The following FER1L5 variants were observed in gnomAD, a reference collection of about 807,000 sequenced individuals.
FER1L5 encodes fer-1-like protein 5.
In FER1L5, 187 loss-of-function variants were observed where a neutral mutation model predicts 279.9. The observed-to-expected ratio is 0.67, with a 90% confidence interval of 0.59 to 0.75. The LOEUF is 0.75. Among genes scored for constraint, FER1L5 ranks in the 30% least tolerant of loss-of-function variants. FER1L5 has a pLI of 0.00. For synonymous variants in FER1L5, 921 were observed against 989.7 expected (o/e 0.93, Z 1.30); for missense variants, 2,091 against 2,594.4 (o/e 0.81, Z 4.21).
chr2:96,662,596 A>G (rs747204024), intron 13 of FER1L5, among the ~76,000 whole-genome samples: 1 of 152,218 alleles, frequency 6.6e-6, no homozygotes, highest in Non-Finnish European at 1.5e-5. Flanking sequence ...CTGACATTCC[A>G]TGAACCTCTA....
intron 8 of FER1L5, chr2:96,654,140 G>GA (rs1297958119): frequency 3.3e-6 from 1 of 304,376 alleles, no homozygotes; most frequent in Admixed American, 5.1e-5. Context: ...CAAAGGCACA[G>GA]AGGAAACAAC....
At chr2:96,685,534 G>T (rs913588229) in intron 21 of FER1L5, 105 bp downstream of exon 21, 1 of 951,972 alleles carries the variant, frequency 1.1e-6, no homozygotes, top group Non-Finnish European at 1.5e-6. Context: ...CCCTCCTCGG[G>T]GAGGAGCACT....
chr2:96,652,578 A>G (rs1288483586), intron 7 of FER1L5: 1 of 159,202 alleles, frequency 6.3e-6, no homozygotes, highest in African/African-American at 2.4e-5. Flanking sequence ...ATTCAGGAAA[A>G]AGTCATGGTG....
chr2:96,693,991 GA>G lies in FER1L5; in HGVS notation c.3556del (p.Arg1186GlyfsTer6). 2 of 1,551,470 alleles carry G rather than the reference GA, an allele frequency of 1.3e-6. No homozygotes were observed. The highest frequency in any genetic ancestry group is 8.7e-7 in the Non-Finnish European group (1 of 1,146,976). ...TCCAGGACCGGATCCTGCCCCCCAT[GA>G]GGTGGCATCCCCTTGTAAAGGAGTT... ...DLQDRILPPM[R>X]WHPLVKELGK... On this transcript the variant is annotated frameshift_variant, in exon 33 of 53. Coordinates refer to ENST00000624922, the MANE Select transcript of FER1L5 (RefSeq NM_001293083.2). LOFTEE classifies it high-confidence loss of function.
chr2:96,655,153 C>G (rs769933410), intron 9 of FER1L5, among the ~76,000 whole-genome samples: 5 of 152,058 alleles, frequency 3.3e-5, no homozygotes, highest in Admixed American at 6.6e-5. Flanking sequence ...GAAGTAGAAG[C>G]AGAGGATCCA....
At chr2:96,699,023 C>A in intron 41 of FER1L5, 22 bp from the exon 42 acceptor site, 2 of 1,596,198 alleles carry the variant, frequency 1.3e-6, no homozygotes, top group Non-Finnish European at 1.7e-6. Context: ...CCTATCCTTC[C>A]CCCACTTGTA....
In FER1L5 at chr2:96,662,276, A is replaced by G; in HGVS notation, c.1071+9A>G. The G allele has an allele frequency of 4.5e-6, 7 of 1,551,442 alleles. No homozygotes were observed. The highest frequency in any genetic ancestry group is 6.1e-6 in the Non-Finnish European group (7 of 1,146,774). ...AACTAATTGGGGAAAAGGTAAGTGT[A>G]GAAATATTCTGAGACCCAGAGAGAT... On this transcript the variant is annotated intron_variant, in intron 13 of 52. Coordinates refer to ENST00000624922, the MANE Select transcript of FER1L5 (RefSeq NM_001293083.2).
At chr2:96,656,106 C>A (rs1292949733) in intron 9 of FER1L5, among the ~76,000 whole-genome samples, 1 of 152,118 alleles carries the variant, frequency 6.6e-6, no homozygotes, top group Non-Finnish European at 1.5e-5. Flanking sequence ...TGTGTTTTAC[C>A]TACACCTAGC....
In FER1L5 at chr2:96,698,924, C is replaced by A; in HGVS notation, c.4518+92C>A. ...CCTCCGACTGCTGACACACAGAATG[C>A]CAACTCCCCATAGGCTCCGTGTGGT... is the stretch of plus-strand genomic sequence containing the variant. On this transcript the variant is annotated intron_variant, in intron 41 of 52. Transcript: ENST00000624922. This position sits in a 1 kb window ranked among gnomAD's most constrained non-coding sequence, Gnocchi z 5.5. The A allele has an allele frequency of 6.5e-7, 1 of 1,528,264 alleles. No individual in the cohort carries two copies. Among genetic ancestry groups the A allele is most frequent in the Non-Finnish European group, 8.9e-7 (1 of 1,127,746 alleles). 94.7% of individuals were successfully genotyped at this position (1,528,264 alleles called of 1,614,324 possible). A position where few individuals can be genotyped will look rare whatever the true frequency, so the allele number is the denominator to read the frequency against.
At chr2:96,692,603 A>G (rs900914944) in intron 31 of FER1L5, among the ~76,000 whole-genome samples, 3 of 152,198 alleles carry the variant, frequency 2.0e-5, no homozygotes, top group Non-Finnish European at 4.4e-5. Flanking sequence ...GCATGAGGGC[A>G]AGAGAGAGGG....
chr2:96,660,232 C>A, intron 9 of FER1L5, 109 bp from the exon 10 acceptor site: 2 of 1,091,666 alleles, frequency 1.8e-6, no homozygotes, highest in African/African-American at 1.6e-5. Context: ...GGAGTTAGGG[C>A]AGAGAACATA....
At chr2:96,684,892 G>A (rs2076864066) in intron 20 of FER1L5, among the ~76,000 whole-genome samples, 1 of 152,162 alleles carries the variant, frequency 6.6e-6, no homozygotes, top group Admixed American at 6.5e-5. Flanking sequence ...CCGCGGCAAT[G>A]TGCTGGTTTC....
At position 96,693,676 on chromosome 2, in the gene FER1L5, C is replaced by T. The variant is rs868545135; in HGVS notation, c.3463C>T (p.Arg1155Cys). 9 of 1,551,216 alleles carry T rather than the reference C, an allele frequency of 5.8e-6. No individual in the cohort carries two copies. Among genetic ancestry groups the T allele is most frequent in the East Asian group, 2.4e-5 (1 of 40,910 alleles). Reference protein sequence around the residue: ...PPLVVLELWQRDFWGKESLWG... With the variant: ...PPLVVLELWQCDFWGKESLWG... ...GCTTGTGGTGCTGGAGCTGTGGCAG[C>T]GTGACTTCTGGGTAAGTTGGGCTGG... is the stretch of plus-strand genomic sequence containing the variant. Residue 1155 changes from arginine to cysteine, a missense_variant, in exon 32 of 53, where the codon CGT becomes TGT. Physicochemically the swap from Arg to Cys is radical, Grantham distance 180. Coordinates refer to ENST00000624922, the MANE Select transcript of FER1L5 (RefSeq NM_001293083.2).
chr2:96,700,487 G>A lies in FER1L5; in HGVS notation c.5070+16G>A. 1 of 1,612,158 alleles carries A rather than the reference G, an allele frequency of 6.2e-7. No homozygotes were observed. The highest frequency in any genetic ancestry group is 8.5e-7 in the Non-Finnish European group (1 of 1,179,884). ...CATCGACCAGGTATGAGACTGGAGG[G>A]GCCACTCCTGGCTCCTACAGGAGGA... On this transcript the variant is annotated intron_variant, in intron 45 of 52. Coordinates refer to ENST00000624922, the MANE Select transcript of FER1L5 (RefSeq NM_001293083.2).
intron 37 of FER1L5, 119 bp downstream of exon 37, chr2:96,696,196 T>G: frequency 7.5e-7 from 1 of 1,326,040 alleles, no homozygotes; most frequent in Non-Finnish European, 1.0e-6. Flanking sequence ...GAGGCCCACC[T>G]CGCTCTGTAG....
chr2:96,653,428 A>G lies in FER1L5; in HGVS notation c.634-212A>G, dbSNP rs569550633. On this transcript the variant is annotated intron_variant, in intron 7 of 52. Coordinates refer to ENST00000624922, the MANE Select transcript of FER1L5 (RefSeq NM_001293083.2). Reference sequence around the variant, plus strand: ...AATGCTCCAGTGAGCATTTCCTTTGAGGGTCATGTTGGCACTCAGAAAGTT... The same window carrying G: ...AATGCTCCAGTGAGCATTTCCTTTGGGGGTCATGTTGGCACTCAGAAAGTT... 6.1e-4 allele frequency: 342 copies of G among 561,990 alleles called. 8 individuals are homozygous for G. The South Asian group carries it at 6.7e-3, about 11-fold the overall frequency. 34.8% of individuals were successfully genotyped at this position (561,990 alleles called of 1,614,324 possible).
chr2:96,691,156 T>A lies in FER1L5; in HGVS notation c.2744-34T>A. ...CCAGGCCTCCCAACCTGCGGGCACC[T>A]GAGGACTCAGAGGCCATGGTCCACC... On this transcript the variant is annotated intron_variant, in intron 27 of 52. Coordinates refer to ENST00000624922, the MANE Select transcript of FER1L5 (RefSeq NM_001293083.2). This position sits in a 1 kb window ranked among gnomAD's most constrained non-coding sequence, Gnocchi z 6.0. 1 of 1,525,868 alleles carries A rather than the reference T, an allele frequency of 6.6e-7. No homozygotes were observed. The highest frequency in any genetic ancestry group is 8.8e-7 in the Non-Finnish European group (1 of 1,132,586). 94.5% of individuals were successfully genotyped at this position (1,525,868 alleles called of 1,614,324 possible). A position where few individuals can be genotyped will look rare whatever the true frequency, so the allele number is the denominator to read the frequency against.
chr2:96,685,341 G>A lies in FER1L5; in HGVS notation c.1807G>A (p.Asp603Asn). The A allele has an allele frequency of 6.4e-7, 1 of 1,551,254 alleles. No individual in the cohort carries two copies. Among genetic ancestry groups the A allele is most frequent in the South Asian group, 1.2e-5 (1 of 84,018 alleles). ...TCCTGCTGGGCAGAAAGCCAACCTG[G>A]ACACCCTGAAATCCACGCGGAATCC... is the stretch of plus-strand genomic sequence containing the variant. ...FTRDRLKANL[D>N]TLKSTRNPKD... is the part of the protein sequence containing the mutation. Residue 603 changes from aspartate to asparagine, a missense_variant, in exon 21 of 53, where the codon GAC becomes AAC. By Grantham distance (23) the Asp-to-Asn change is conservative. Transcript: ENST00000624922.
At chr2:96,674,703 AG>A (rs2076449354) in intron 19 of FER1L5, among the ~76,000 whole-genome samples, 1 of 152,136 alleles carries the variant, frequency 6.6e-6, no homozygotes, top group South Asian at 2.1e-4. Context: ...TAATAAAATG[AG>A]GGAGGCTGAA....
Sources: gnomAD v4.1 joint callset for allele counts (sites outside exome capture counted in the v4.1 genomes callset) on GRCh38, gnomAD v4.1.1 for gene constraint, Gnocchi (gnomAD v3.1) non-coding constraint, MANE v1.5 for transcripts, NCBI Gene and HGNC (gene_info 2026-07-23, HGNC 2026-07-21) for gene names.